CTIF: variants seen among roughly 807,000 people sequenced by gnomAD.
CTIF encodes the protein cap binding complex dependent translation initiation factor.
A neutral mutation model predicts 66.0 loss-of-function variants in CTIF; 21 were observed. The observed-to-expected ratio is 0.32, with a 90% CI of 0.23 to 0.46. CTIF has a LOEUF of 0.46. Among genes scored for constraint, CTIF ranks in the 20% least tolerant of loss-of-function variants. CTIF has a pLI of 1.00. For synonymous variants in CTIF, 345 were observed against 326.4 expected, an observed-to-expected ratio of 1.06 and a Z score of -0.62; for missense variants, 739 against 812.7, an observed-to-expected ratio of 0.91 and a Z score of 1.10.
intron 1 of CTIF, among the ~76,000 whole-genome samples, chr18:48,554,103 C>A (rs571526890): frequency 1.3e-5 from 2 of 152,142 alleles, no homozygotes; most frequent in South Asian, 2.1e-4. Context: ...AGTGGCTGTC[C>A]GCCAGTGTGA....
intron 9 of CTIF, among the ~76,000 whole-genome samples, chr18:48,783,420 T>A (rs1911427279): frequency 6.6e-6 from 1 of 152,146 alleles, no homozygotes. Context: ...AAAAAAATGC[T>A]TAGCAAAATA....
At chr18:48,595,204 A>T (rs2089967855) in intron 1 of CTIF, among the ~76,000 whole-genome samples, 1 of 152,120 alleles carries the variant, frequency 6.6e-6, no homozygotes, top group Non-Finnish European at 1.5e-5. Flanking sequence ...TGGGTAAGTC[A>T]TAGGATTCTA....
At chr18:48,777,255 G>A (rs1458684242) in intron 9 of CTIF, among the ~76,000 whole-genome samples, 1 of 152,208 alleles carries the variant, frequency 6.6e-6, no homozygotes. Flanking sequence ...GGCCTGCAGG[G>A]GGCACCAGTG....
chr18:48,549,624 G>A (rs1191453328), intron 1 of CTIF, among the ~76,000 whole-genome samples: 1 of 152,192 alleles, frequency 6.6e-6, no homozygotes, highest in African/African-American at 2.4e-5. Context: ...TCACATAACT[G>A]CGTCCAAAGG....
chr18:48,732,643 C>A (rs72911663), intron 7 of CTIF, among the ~76,000 whole-genome samples: 22,559 of 152,262 alleles, frequency 0.15, 1,855 homozygotes, highest in African/African-American at 0.19. Flanking sequence ...GCAGCCCATC[C>A]TTCCCCAGCT....
At chr18:48,547,183 G>C (rs1420825592) in intron 1 of CTIF, among the ~76,000 whole-genome samples, 2 of 152,190 alleles carry the variant, frequency 1.3e-5, no homozygotes, top group African/African-American at 4.8e-5. Flanking sequence ...ACAACTCGGG[G>C]AGGCATGTGC....
chr18:48,729,914 G>T (rs576130943), intron 7 of CTIF, among the ~76,000 whole-genome samples: 3 of 152,202 alleles, frequency 2.0e-5, no homozygotes, highest in African/African-American at 4.8e-5. Context: ...CTGTTAATCC[G>T]CTCTTTCCAA....
chr18:48,858,923 G>C (rs1168546933), intron 11 of CTIF, among the ~76,000 whole-genome samples: 1 of 152,142 alleles, frequency 6.6e-6, no homozygotes, highest in Non-Finnish European at 1.5e-5. Flanking sequence ...TAAGCTCATT[G>C]CCAGAGAGAC....
At chr18:48,726,952 C>T (rs116554325) in intron 7 of CTIF, among the ~76,000 whole-genome samples, 3,505 of 152,170 alleles carry the variant, frequency 0.023, 137 homozygotes, top group African/African-American at 0.078. Context: ...AAAGTCTCAT[C>T]ATCTAGATCA....
intron 1 of CTIF, among the ~76,000 whole-genome samples, chr18:48,613,301 G>A (rs937848895): frequency 7.2e-5 from 11 of 152,114 alleles, no homozygotes; most frequent in Admixed American, 2.0e-4. Context: ...TGCCTCTGAA[G>A]GTCAGACTCA....
intron 9 of CTIF, among the ~76,000 whole-genome samples, chr18:48,776,315 C>T (rs1165275468): frequency 6.6e-6 from 1 of 152,168 alleles, no homozygotes; most frequent in Non-Finnish European, 1.5e-5. Flanking sequence ...GAGATGGGCG[C>T]CCACCGCCCA....
intron 1 of CTIF, among the ~76,000 whole-genome samples, chr18:48,549,900 A>C (rs961799342): frequency 2.0e-5 from 3 of 152,202 alleles, no homozygotes; most frequent in Admixed American, 1.3e-4. Flanking sequence ...ACCAAGTTTC[A>C]AGATGTTTTT....
intron 9 of CTIF, among the ~76,000 whole-genome samples, chr18:48,798,548 C>T (rs2067980136): frequency 6.6e-6 from 1 of 152,210 alleles, no homozygotes; most frequent in Admixed American, 6.5e-5. Flanking sequence ...AGTTCCGAGT[C>T]CCATGAAGTA....
chr18:48,542,303 C>T (rs781339326), intron 1 of CTIF, among the ~76,000 whole-genome samples: 49 of 152,260 alleles, frequency 3.2e-4, no homozygotes, highest in Middle Eastern at 3.4e-3. Flanking sequence ...GTAACACTTA[C>T]CTGTGTTTGT....
At chr18:48,792,553 C>T (rs2067816894) in intron 9 of CTIF, among the ~76,000 whole-genome samples, 1 of 152,102 alleles carries the variant, frequency 6.6e-6, no homozygotes, top group African/African-American at 2.4e-5. Context: ...GCAATGGATC[C>T]ACAAATCTGT....
intron 9 of CTIF, among the ~76,000 whole-genome samples, chr18:48,793,058 T>C (rs2067829070): frequency 6.6e-6 from 1 of 152,090 alleles, no homozygotes; most frequent in Admixed American, 6.5e-5. Flanking sequence ...AGAAGCTGTG[T>C]CTCCAGTTGT....
intron 6 of CTIF, chr18:48,682,993 T>C (rs1176602468): frequency 5.3e-5 from 8 of 152,278 alleles, no homozygotes; most frequent in African/African-American, 1.9e-4. Flanking sequence ...GTGTTCCAGA[T>C]CTTTCCTTCC....
At chr18:48,565,345 C>T (rs2089256137) in intron 1 of CTIF, 1 of 152,180 alleles carries the variant, frequency 6.6e-6, no homozygotes, top group Non-Finnish European at 1.5e-5. Flanking sequence ...TGAGAAATCG[C>T]TGGTGTGCTG....
chr18:48,788,022 TCTC>T (rs1464402785), intron 9 of CTIF, among the ~76,000 whole-genome samples: 2 of 152,112 alleles, frequency 1.3e-5, no homozygotes, highest in Non-Finnish European at 2.9e-5. Context: ...AGGCACTTCT[TCTC>T]CCTGTAAAAC....
Sources: gnomAD v4.1 joint callset for allele counts (sites outside exome capture counted in the v4.1 genomes callset) on GRCh38, gnomAD v4.1.1 for gene constraint, MANE v1.5 for transcripts, NCBI Gene and HGNC (gene_info 2026-07-23, HGNC 2026-07-21) for gene names.